The following TAF4B variants were observed in gnomAD, a reference collection of about 807,000 sequenced individuals.
TAF4B encodes TATA-box binding protein associated factor 4b.
In TAF4B, 38 loss-of-function variants were observed where a neutral mutation model predicts 86.4. That is an observed-to-expected ratio of 0.44 (90% CI 0.34 to 0.58). TAF4B has a LOEUF of 0.58. Ranked by LOEUF, TAF4B falls within the 20% of genes least tolerant of loss-of-function variation. The probability of loss-of-function intolerance (pLI) is 0.02; values close to 1 mark genes in which losing one functional copy is unlikely to be tolerated. For missense variants in TAF4B, 988 were observed against 1,027.6 expected, an observed-to-expected ratio of 0.96 and a Z score of 0.53; for synonymous variants, 388 against 391.2, an observed-to-expected ratio of 0.99 and a Z score of 0.10.
chr18:26,249,833 C>T (rs537369094), intron 1 of TAF4B, among the ~76,000 whole-genome samples: 1 of 152,254 alleles, frequency 6.6e-6, no homozygotes, highest in South Asian at 2.1e-4. Flanking sequence ...AGCAATTCTC[C>T]TGCCCCAGCC....
chr18:26,386,413 C>G (rs1298926008), intron 14 of TAF4B, among the ~76,000 whole-genome samples: 1 of 151,788 alleles, frequency 6.6e-6, no homozygotes, highest in Non-Finnish European at 1.5e-5. Context: ...TTTGGGGTAG[C>G]AATTTAATTT....
At chr18:26,305,042 T>C (rs756896940) in intron 9 of TAF4B, 12 of 265,704 alleles carry the variant, frequency 4.5e-5, no homozygotes, top group Non-Finnish European at 7.0e-5. Flanking sequence ...GTTTTTAGTG[T>C]TTCATATATG....
chr18:26,326,005 G>T (rs1291004758), intron 11 of TAF4B, among the ~76,000 whole-genome samples: 3 of 152,192 alleles, frequency 2.0e-5, no homozygotes, highest in Non-Finnish European at 4.4e-5. Flanking sequence ...ATAAAACAAA[G>T]ATGGGAGTGG....
intron 6 of TAF4B, 89 bp downstream of exon 6, chr18:26,282,149 T>C: frequency 2.7e-6 from 3 of 1,098,402 alleles, no homozygotes; most frequent in Non-Finnish European, 4.1e-6. Flanking sequence ...TGACAGCAAT[T>C]GAATGTGAAG....
chr18:26,306,541 G>A (rs973576730), intron 9 of TAF4B, among the ~76,000 whole-genome samples: 3 of 152,142 alleles, frequency 2.0e-5, no homozygotes, highest in Non-Finnish European at 4.4e-5. Flanking sequence ...AACAATGCCT[G>A]TTTCATAATA....
In TAF4B at chr18:26,342,418, A is replaced by T. The variant is rs186468073; in HGVS notation, c.2316+7187A>T. ...TGTTAGCTAATATGAAACTTGGTTTATTCATTCTTCAGCTAGTACCTCTGA... is the reference window on the plus strand; with the variant it reads ...TGTTAGCTAATATGAAACTTGGTTTTTTCATTCTTCAGCTAGTACCTCTGA... On this transcript the variant is annotated intron_variant, in intron 13 of 14. Transcript: ENST00000269142. 6.3e-4 allele frequency among the ~76,000 whole-genome samples: 96 copies of T among 152,296 alleles called. 1 individual carries two copies. The highest frequency in any genetic ancestry group is 1.8e-4 in the Non-Finnish European group (12 of 68,012).
At chr18:26,305,622 G>C (rs1390209725) in intron 9 of TAF4B, among the ~76,000 whole-genome samples, 1 of 152,168 alleles carries the variant, frequency 6.6e-6, no homozygotes, top group African/African-American at 2.4e-5. Context: ...GGCCAGGCCA[G>C]TCTCAAACTC....
At chr18:26,328,621 GTTTTAT>G in intron 12 of TAF4B, among the ~76,000 whole-genome samples, 1 of 151,716 alleles carries the variant, frequency 6.6e-6, no homozygotes, top group Admixed American at 6.6e-5. Context: ...TACCATTTTT[GTTTTAT>G]TTTTTTGTTT....
chr18:26,267,751 G>A (rs2056260764), intron 3 of TAF4B, 128 bp downstream of exon 3: 2 of 635,970 alleles, frequency 3.1e-6, no homozygotes, highest in Non-Finnish European at 5.6e-6. Flanking sequence ...ATATATGATG[G>A]CACTTATCAA....
At chr18:26,388,680 A>G (rs1335242640) in intron 14 of TAF4B, among the ~76,000 whole-genome samples, 2 of 152,238 alleles carry the variant, frequency 1.3e-5, no homozygotes, top group African/African-American at 4.8e-5. Context: ...ATGTGGCTGC[A>G]GTTAAGATGT....
Position 26,327,100 on chromosome 18 carries a change from A to C in TAF4B, c.2219A>C (p.Lys740Thr). The part of the protein sequence containing the change: ...EKLDQLEKQR[K>T]DLEEREMLLK... ...CTGGATCAATTGGAGAAGCAGAGAA[A>C]GGATTTGGAAGAAAGAGAAATGTTA... The change falls in exon 12 of 15, where the codon AAG becomes ACG. Residue 740 changes from lysine (K) to threonine (T), a missense_variant. By Grantham distance (78) the Lys-to-Thr change is moderately conservative. Coordinates refer to ENST00000269142, the MANE Select transcript of TAF4B (RefSeq NM_005640.3). 6.2e-7 allele frequency: 1 copy of C among 1,613,542 alleles called. No homozygotes were observed. Among genetic ancestry groups the C allele is most frequent in the African/African-American group, 1.3e-5 (1 of 75,044 alleles).
chr18:26,361,649 G>A (rs1165198069), intron 14 of TAF4B, among the ~76,000 whole-genome samples: 1 of 150,764 alleles, frequency 6.6e-6, no homozygotes, highest in East Asian at 2.0e-4. Flanking sequence ...GGGGGTTGAG[G>A]CAGGAGAATC....
chr18:26,307,031 C>T (rs1281849691), intron 9 of TAF4B, among the ~76,000 whole-genome samples: 2 of 152,042 alleles, frequency 1.3e-5, no homozygotes, highest in Non-Finnish European at 1.5e-5. Context: ...CCTCGTGATC[C>T]ACCTGCCTCG....
intron 7 of TAF4B, among the ~76,000 whole-genome samples, chr18:26,287,501 T>A (rs1443423706): frequency 6.6e-6 from 1 of 152,138 alleles, no homozygotes; most frequent in African/African-American, 2.4e-5. Flanking sequence ...TAGAATGTTC[T>A]TCTTTATTTA....
At chr18:26,253,592 A>G (rs1361522985) in intron 1 of TAF4B, among the ~76,000 whole-genome samples, 1 of 152,120 alleles carries the variant, frequency 6.6e-6, no homozygotes, top group Non-Finnish European at 1.5e-5. Flanking sequence ...TTATAGATTG[A>G]GTTGGGACGT....
intron 5 of TAF4B, 124 bp downstream of exon 5, chr18:26,275,177 A>G: frequency 3.5e-6 from 4 of 1,139,682 alleles, no homozygotes; most frequent in Middle Eastern, 3.4e-4. Context: ...ATGTTTTGAG[A>G]CAGAGTCTCG....
intron 14 of TAF4B, among the ~76,000 whole-genome samples, chr18:26,361,561 C>T (rs933666253): frequency 6.6e-6 from 1 of 151,778 alleles, no homozygotes; most frequent in Admixed American, 6.5e-5. Flanking sequence ...GCCTAGCCAA[C>T]ATGTGAAACC....
chr18:26,273,584 A>G (rs1368613169), intron 3 of TAF4B, among the ~76,000 whole-genome samples: 1 of 152,174 alleles, frequency 6.6e-6, no homozygotes, highest in Non-Finnish European at 1.5e-5. Context: ...TTCTAGAGAC[A>G]GGGTCTTGTT....
chr18:26,295,988 T>TTGTGTG (rs34047998), intron 9 of TAF4B, among the ~76,000 whole-genome samples: 7,748 of 150,034 alleles, frequency 0.052, 399 homozygotes, highest in African/African-American at 0.13. Context: ...GTTCACGATT[T>TTGTGTG]TGTGTGTGTG....
Sources: gnomAD v4.1 joint callset for allele counts (sites outside exome capture counted in the v4.1 genomes callset) on GRCh38, gnomAD v4.1.1 for gene constraint, MANE v1.5 for transcripts, NCBI Gene and HGNC (gene_info 2026-07-23, HGNC 2026-07-21) for gene names.